C19orf47: variants seen among roughly 807,000 people sequenced by gnomAD.
C19orf47 encodes the protein uncharacterized protein C19orf47.
Under a neutral mutation model 32.3 loss-of-function variants are expected in C19orf47, and 18 were observed. The ratio of observed to expected loss-of-function variants is 0.56; its 90% CI spans 0.39 to 0.83. The LOEUF (loss-of-function observed/expected upper bound fraction) is 0.83, where lower values mean the gene tolerates loss of function less well. Among genes scored for constraint, C19orf47 ranks in the 40% least tolerant of loss-of-function variants. C19orf47 has a pLI of 0.00. For synonymous variants in C19orf47, 202 were observed against 211.1 expected, an observed-to-expected ratio of 0.96 and a Z score of 0.37; for missense variants, 484 against 531.6, an observed-to-expected ratio of 0.91 and a Z score of 0.88.
rs776259146 is a variant in C19orf47, at chr19:40,322,336, G to A, written c.704C>T (p.Thr235Met). Reference protein sequence around the residue: ...VFSRLGATPETDEDLAWDSDN... With the variant: ...VFSRLGATPEMDEDLAWDSDN... The stretch of plus-strand genomic sequence containing the variant: ...GCTGTCCCAAGCCAGATCCTCGTCC[G>A]TTTCTGGGGTGGCCCCCAGGCGGCT... Residue 235 changes from threonine to methionine, a missense_variant, in exon 9 of 9, where the codon ACG (threonine) becomes ATG (methionine). Thr to Met is a moderately conservative substitution (Grantham distance 81, BLOSUM62 -1). This residue lies in a region of C19orf47 where 376 missense variants were observed against 370.2 expected (regional missense o/e 1.02). Transcript: ENST00000683109. 9.4e-6 allele frequency: 15 copies of A among 1,600,260 alleles called. No individual in the cohort carries two copies. Among genetic ancestry groups the A allele is most frequent in the East Asian group, 4.5e-5 (2 of 44,588 alleles).
At chr19:40,340,961 G>T (rs1233502933) in intron 2 of C19orf47, among the ~76,000 whole-genome samples, 2 of 124,644 alleles carry the variant, frequency 1.6e-5, no homozygotes, top group Non-Finnish European at 1.7e-5. Flanking sequence ...CTGGGCAACA[G>T]TGTGAGCCTG....
Position 40,348,360 on chromosome 19 carries a change from C to G in C19orf47, c.-70G>C, listed in dbSNP as rs2078374750. 7.2e-7 allele frequency: 1 copy of G among 1,395,522 alleles called. No homozygotes were observed. Among genetic ancestry groups the G allele is most frequent in the African/African-American group, 1.5e-5 (1 of 66,434 alleles). 86.4% of individuals were successfully genotyped at this position (1,395,522 alleles called of 1,614,324 possible). ...GGCCCGCGCCCACTCGCGCCGCCCG[C>G]CCTCCCTCCCGGCGGCGCCAACTGT... On this transcript the variant is annotated 5_prime_UTR_variant, in exon 1 of 9. Transcript: ENST00000683109.
the C19orf47 span, among the ~76,000 whole-genome samples, chr19:40,293,181 C>T: frequency 6.6e-6 from 1 of 151,536 alleles, no homozygotes; most frequent in Non-Finnish European, 1.5e-5. Flanking sequence ...CACTCTGTTG[C>T]CCAGGCTGGA....
rs2077735667 is a variant in C19orf47 at position 40,322,264 on chromosome 19, T to C, written c.776A>G (p.Lys259Arg). The C allele has an allele frequency of 6.2e-7, 1 of 1,609,052 alleles. No homozygotes were observed. Among genetic ancestry groups the C allele is most frequent in the Non-Finnish European group, 8.5e-7 (1 of 1,179,972 alleles). The change falls in exon 9 of 9, where the codon AAG (lysine) becomes AGG (arginine). Residue 259 changes from lysine to arginine, a missense_variant. Lys to Arg is a conservative substitution (Grantham distance 26). This residue lies in a region of C19orf47 where 376 missense variants were observed against 370.2 expected (regional missense o/e 1.02). Transcript: ENST00000683109. ...CTTGGCTGGGCCCCGTCCTAGCTTCTTCAGGACCCCGGCATACTGCAAGAC... is the reference window on the plus strand; with the variant it reads ...CTTGGCTGGGCCCCGTCCTAGCTTCCTCAGGACCCCGGCATACTGCAAGAC... ...SSVLQYAGVLKKLGRGPAKAS... is the reference protein window; with the variant it reads ...SSVLQYAGVLRKLGRGPAKAS...
At chr19:40,326,511 A>G (rs755924995) in intron 6 of C19orf47, 25 bp from the exon 7 acceptor site, 2 of 1,608,476 alleles carry the variant, frequency 1.2e-6, no homozygotes, top group Non-Finnish European at 1.7e-6. Flanking sequence ...CAGGGGTATC[A>G]GCACTCTCTG....
chr19:40,318,244 T>G (rs1404212734), downstream of C19orf47, among the ~76,000 whole-genome samples: 1 of 152,024 alleles, frequency 6.6e-6, no homozygotes, highest in Non-Finnish European at 1.5e-5. Context: ...AAATAAAAAT[T>G]TTTAAAAGGC....
At chr19:40,341,060 G>A (rs569490198) in intron 2 of C19orf47, among the ~76,000 whole-genome samples, 4 of 151,676 alleles carry the variant, frequency 2.6e-5, no homozygotes, top group Non-Finnish European at 2.9e-5. Flanking sequence ...TGGGCCAGGC[G>A]CGGTGGCTCA....
At chr19:40,334,794 C>G (rs182824602) in intron 4 of C19orf47, 2 of 152,000 alleles carry the variant, frequency 1.3e-5, no homozygotes, top group Non-Finnish European at 2.9e-5. Flanking sequence ...TGCCTGTAAT[C>G]CCAGCTACTC....
downstream of C19orf47, among the ~76,000 whole-genome samples, chr19:40,319,066 G>GT (rs1357623449): frequency 6.6e-6 from 1 of 152,086 alleles, no homozygotes; most frequent in Non-Finnish European, 1.5e-5. Context: ...AAGGTCAGGA[G>GT]TTCGAGACCA....
At chr19:40,294,554 A>G in the C19orf47 span, among the ~76,000 whole-genome samples, 2 of 152,158 alleles carry the variant, frequency 1.3e-5, no homozygotes, top group Non-Finnish European at 2.9e-5. Flanking sequence ...TAGGGCAAGA[A>G]CACAGGCCTC....
At chr19:40,327,787 G>A (rs560312581) in intron 6 of C19orf47, among the ~76,000 whole-genome samples, 1 of 152,282 alleles carries the variant, frequency 6.6e-6, no homozygotes, top group East Asian at 1.9e-4. Flanking sequence ...GGAAGGAAGA[G>A]TGCTCAGGCC....
At chr19:40,316,401 G>C (rs2077662313), downstream of C19orf47, among the ~76,000 whole-genome samples, 1 of 152,220 alleles carries the variant, frequency 6.6e-6, no homozygotes. Context: ...CTGCCATTCA[G>C]CATGAGCCCT....
intron 7 of C19orf47, among the ~76,000 whole-genome samples, chr19:40,325,094 AC>A (rs1262732397): frequency 6.6e-6 from 1 of 151,254 alleles, no homozygotes; most frequent in Non-Finnish European, 1.5e-5. Flanking sequence ...ACATGATGAA[AC>A]CCCGTCTCTA....
At chr19:40,316,344 C>T (rs1371157098), downstream of C19orf47, among the ~76,000 whole-genome samples, 8 of 152,170 alleles carry the variant, frequency 5.3e-5, no homozygotes, top group African/African-American at 1.7e-4. Flanking sequence ...TGTCTCAGGG[C>T]GACCATCCAC....
At chr19:40,316,906 A>C (rs1243278616), downstream of C19orf47, among the ~76,000 whole-genome samples, 1 of 152,098 alleles carries the variant, frequency 6.6e-6, no homozygotes, top group Non-Finnish European at 1.5e-5. Flanking sequence ...GACTACTAAG[A>C]CACGTGTATG....
intron 1 of C19orf47, chr19:40,342,153 G>A: frequency 1.6e-5 from 10 of 620,818 alleles, no homozygotes; most frequent in Non-Finnish European, 2.0e-5. Context: ...GCTGGAAAAG[G>A]AGTGCAACAG....
rs761076194 is a variant in C19orf47 at position 40,321,975 on chromosome 19, G to A, written c.1065C>T (p.Pro355=). 1.1e-5 allele frequency: 18 copies of A among 1,613,930 alleles called. No homozygotes were observed. Among genetic ancestry groups the A allele is most frequent in the Non-Finnish European group, 1.5e-5 (18 of 1,179,936 alleles). ...KVTIKRTLVG[P]RGSSSSEGLG... ...GGCCCTCGCTGGAGCTGCTCCCCCG[G>A]GGCCCCACCAGAGTCCTCTTAATGG... is the stretch of plus-strand genomic sequence containing the variant. The change falls in exon 9 of 9, where the codon CCC becomes CCT. Residue 355 remains proline (P), a synonymous_variant. Coordinates refer to ENST00000683109, the MANE Select transcript of C19orf47 (RefSeq NM_001256441.2).
At chr19:40,293,760 G>A in the C19orf47 span, among the ~76,000 whole-genome samples, 2 of 151,996 alleles carry the variant, frequency 1.3e-5, no homozygotes, top group African/African-American at 4.8e-5. Context: ...CACCATGCTC[G>A]GCCTTTTGCT....
rs570085406 is a variant in C19orf47 at position 40,333,345 on chromosome 19, G to A, written c.301+506C>T. ...AAGCACAGTGTTGAAGTGCTGTCTGGCTTCCTAAATGTAAGAAGGGTATGA... is the reference window on the plus strand; with the variant it reads ...AAGCACAGTGTTGAAGTGCTGTCTGACTTCCTAAATGTAAGAAGGGTATGA... On this transcript the variant is annotated intron_variant, in intron 5 of 8. Transcript: ENST00000683109. Among the ~76,000 whole-genome samples, 3 of 152,052 alleles carry A rather than the reference G, an allele frequency of 2.0e-5. No individual in the cohort carries two copies. The South Asian group carries it at 6.2e-4, about 32-fold the overall frequency.
Sources: allele counts gnomAD v4.1 joint callset (sites outside exome capture counted in the v4.1 genomes callset), GRCh38; gene constraint gnomAD v4.1.1; regional missense constraint gnomAD v4.1.1; transcripts MANE v1.5; gene names NCBI Gene and HGNC (gene_info 2026-07-23, HGNC 2026-07-21).